TENM3: variants seen among roughly 807,000 people sequenced by gnomAD.
TENM3 encodes teneurin-3.
Under a neutral mutation model 255.1 loss-of-function variants are expected in TENM3, and 63 were observed. That is an observed-to-expected ratio of 0.25 (90% CI 0.20 to 0.30). The LOEUF is 0.30. TENM3 is among the 10% of genes least tolerant of loss of function. The pLI, the probability that TENM3 is intolerant of heterozygous loss-of-function variation, is 1.00. For missense variants in TENM3, 2,929 were observed against 3,461.1 expected (o/e 0.85, Z 3.86); for synonymous variants, 1,306 against 1,322.3 (o/e 0.99, Z 0.27).
At chr4:182,796,864 C>A in intron 27 of TENM3, 97 bp downstream of exon 27, 1 of 964,894 alleles carries the variant, frequency 1.0e-6, no homozygotes, top group Non-Finnish European at 1.4e-6. Context: ...GTACCAAAGA[C>A]AGTTTTTAAC....
intron 3 of TENM3, among the ~76,000 whole-genome samples, chr4:182,593,972 T>TAA (rs76793472): frequency 8.1e-4 from 114 of 141,528 alleles, no homozygotes; most frequent in African/African-American, 2.7e-3. Context: ...CTTTTAGTCT[T>TAA]AAAAAAAAAA....
chr4:182,252,364 T>C (rs1347358077), intron 1 of TENM3, among the ~76,000 whole-genome samples: 2 of 152,170 alleles, frequency 1.3e-5, no homozygotes, highest in South Asian at 2.1e-4. Flanking sequence ...TGTATGCTGC[T>C]GTGAGAGTAG....
At chr4:181,766,387 T>C in the TENM3 span, among the ~76,000 whole-genome samples, 1 of 152,086 alleles carries the variant, frequency 6.6e-6, no homozygotes, top group East Asian at 1.9e-4. Context: ...GAGTAGGGGC[T>C]TAAGTAACTC....
the TENM3 span, among the ~76,000 whole-genome samples, chr4:181,823,863 G>A: frequency 6.6e-6 from 1 of 152,150 alleles, no homozygotes; most frequent in South Asian, 2.1e-4. Flanking sequence ...ACTGCAGTTG[G>A]CATTGGATTG....
the TENM3 span, among the ~76,000 whole-genome samples, chr4:181,688,045 G>T: frequency 6.6e-6 from 1 of 152,090 alleles, no homozygotes; most frequent in Non-Finnish European, 1.5e-5. Flanking sequence ...ACTTATGTAT[G>T]TGAGTTAATT....
the TENM3 span, among the ~76,000 whole-genome samples, chr4:181,894,459 G>A: frequency 6.6e-6 from 1 of 152,120 alleles, no homozygotes; most frequent in Non-Finnish European, 1.5e-5. Context: ...TTATTTGTTG[G>A]CAGCTGATAA....
the TENM3 span, among the ~76,000 whole-genome samples, chr4:181,670,164 A>G: frequency 1.3e-5 from 2 of 152,194 alleles, no homozygotes; most frequent in Admixed American, 1.3e-4. Flanking sequence ...ATTGATTAAT[A>G]CTTTGGAATG....
At chr4:182,156,293 G>A (rs1486248477) in intron 1 of TENM3, among the ~76,000 whole-genome samples, 3 of 152,088 alleles carry the variant, frequency 2.0e-5, no homozygotes, top group South Asian at 2.1e-4. Flanking sequence ...TATGAGGTAC[G>A]CGCCACTGAA....
the TENM3 span, among the ~76,000 whole-genome samples, chr4:182,036,280 T>A: frequency 6.6e-6 from 1 of 152,148 alleles, no homozygotes; most frequent in Non-Finnish European, 1.5e-5. Flanking sequence ...AACCTCCACC[T>A]CCCAGGTTCA....
chr4:182,609,649 T>C (rs985516962), intron 4 of TENM3, among the ~76,000 whole-genome samples: 1 of 152,198 alleles, frequency 6.6e-6, no homozygotes, highest in Non-Finnish European at 1.5e-5. Context: ...AGTAATATAA[T>C]ATTGCTACCG....
the TENM3 span, among the ~76,000 whole-genome samples, chr4:181,864,703 C>T: frequency 3.3e-5 from 5 of 152,128 alleles, no homozygotes; most frequent in South Asian, 4.1e-4. Context: ...TGGGTTAAAC[C>T]GCCCGTATAG....
intron 3 of TENM3, among the ~76,000 whole-genome samples, chr4:182,551,848 C>T (rs1016154663): frequency 1.1e-4 from 17 of 151,736 alleles, no homozygotes; most frequent in Admixed American, 1.3e-4. Flanking sequence ...TAGTGAGACC[C>T]CCATCCCTAC....
intron 22 of TENM3, among the ~76,000 whole-genome samples, chr4:182,762,916 CTGA>C (rs4069808): frequency 0.18 from 27,603 of 152,058 alleles, 3,233 homozygotes; most frequent in East Asian, 0.57. Flanking sequence ...AACACACGTA[CTGA>C]TGATATACTT....
At chr4:182,385,064 T>A (rs1272646551) in intron 3 of TENM3, among the ~76,000 whole-genome samples, 1 of 152,106 alleles carries the variant, frequency 6.6e-6, no homozygotes, top group Non-Finnish European at 1.5e-5. Flanking sequence ...TTTACGTAGA[T>A]GACGGTGTCC....
chr4:181,767,179 G>A, the TENM3 span, among the ~76,000 whole-genome samples: 2 of 148,538 alleles, frequency 1.3e-5, no homozygotes, highest in Non-Finnish European at 3.0e-5. Flanking sequence ...GTGAACCCGG[G>A]AGGCGGAGCT....
the TENM3 span, among the ~76,000 whole-genome samples, chr4:181,792,963 G>T: frequency 2.1e-4 from 31 of 148,254 alleles, no homozygotes; most frequent in Middle Eastern, 7.0e-3. Context: ...GTTATAGACG[G>T]TTTTTTTTTT....
chr4:181,448,778 C>T, the TENM3 span, among the ~76,000 whole-genome samples: 13 of 152,238 alleles, frequency 8.5e-5, 1 homozygote, highest in African/African-American at 2.4e-4. Flanking sequence ...GAATATATTA[C>T]AAAGTTTTAT....
intron 1 of TENM3, among the ~76,000 whole-genome samples, chr4:182,264,991 T>A (rs1295153410): frequency 1.3e-5 from 2 of 151,974 alleles, no homozygotes; most frequent in Non-Finnish European, 2.9e-5. Flanking sequence ...TCACTCTTAA[T>A]GCACACGAGA....
intron 3 of TENM3, among the ~76,000 whole-genome samples, chr4:182,574,268 T>C (rs1420149472): frequency 1.3e-5 from 2 of 152,138 alleles, no homozygotes; most frequent in East Asian, 1.9e-4. Flanking sequence ...TCTACTCTTA[T>C]CAGAACTGCA....
Sources: allele counts gnomAD v4.1 joint callset (sites outside exome capture counted in the v4.1 genomes callset), GRCh38; gene constraint gnomAD v4.1.1; transcripts MANE v1.5; gene names NCBI Gene and HGNC (gene_info 2026-07-23, HGNC 2026-07-21).